The following PDE7B variants were observed in gnomAD, a reference collection of about 807,000 sequenced individuals.
PDE7B encodes the protein 3',5'-cyclic-AMP phosphodiesterase 7B.
A neutral mutation model predicts 56.2 loss-of-function variants in PDE7B; 29 were observed. The observed-to-expected ratio is 0.52, with a 90% CI of 0.38 to 0.70. PDE7B has a LOEUF of 0.70. PDE7B is among the 30% of genes least tolerant of loss of function. The pLI is 0.00. For missense variants in PDE7B, 490 were observed against 565.0 expected (o/e 0.87, Z 1.35); for synonymous variants, 197 against 196.9 (o/e 1.00, Z 0.00).
intron 5 of PDE7B, 106 bp downstream of exon 5, chr6:136,149,256 T>C: frequency 1.3e-6 from 1 of 761,046 alleles, no homozygotes; most frequent in Non-Finnish European, 2.3e-6. Flanking sequence ...TTTTCCTTCT[T>C]TCCCCATTTT....
intron 2 of PDE7B, among the ~76,000 whole-genome samples, chr6:135,959,928 C>T (rs1346028012): frequency 1.3e-5 from 2 of 152,082 alleles, no homozygotes; most frequent in Non-Finnish European, 1.5e-5. Flanking sequence ...TGTGCACCAC[C>T]ACCCCTGGCT....
chr6:136,123,499 T>A (rs1376675521), intron 3 of PDE7B, among the ~76,000 whole-genome samples: 1 of 152,204 alleles, frequency 6.6e-6, no homozygotes, highest in African/African-American at 2.4e-5. Context: ...GATTATAACA[T>A]CTCAGAAGGA....
chr6:135,997,492 C>CATT (rs1422723329), intron 2 of PDE7B, among the ~76,000 whole-genome samples: 3 of 123,722 alleles, frequency 2.4e-5, no homozygotes, highest in African/African-American at 9.0e-5. Context: ...AACTCATATG[C>CATT]ATTTATTCTT....
intron 2 of PDE7B, among the ~76,000 whole-genome samples, chr6:135,989,239 G>T (rs1162437758): frequency 6.6e-6 from 1 of 152,138 alleles, no homozygotes; most frequent in African/African-American, 2.4e-5. Context: ...AGATGATAAG[G>T]GCAGGACAGT....
chr6:136,012,097 A>G (rs981452234), intron 2 of PDE7B, among the ~76,000 whole-genome samples: 2 of 152,004 alleles, frequency 1.3e-5, no homozygotes, highest in Admixed American at 1.3e-4. Context: ...CCTGGCTCAA[A>G]CTATGCTGCT....
At chr6:135,916,261 G>C (rs936911621) in intron 1 of PDE7B, among the ~76,000 whole-genome samples, 1 of 151,924 alleles carries the variant, frequency 6.6e-6, no homozygotes, top group Non-Finnish European at 1.5e-5. Context: ...CATTCTAATG[G>C]GTGTGTGGTG....
In PDE7B at chr6:136,160,487, C is replaced by T. The variant is rs1186520379; in HGVS notation, c.711+4729C>T. ...TATCTCTGGCAAGTCACTAAGAAAC[C>T]CCAGTGTATGCAAGCCTGCTCGCCA... On this transcript the variant is annotated intron_variant, in intron 8 of 12. Coordinates refer to ENST00000308191, the MANE Select transcript of PDE7B (RefSeq NM_018945.4). Among the ~76,000 whole-genome samples the T allele has an allele frequency of 4.6e-5, 7 of 152,158 alleles. No homozygotes were observed. The South Asian group carries it at 1.0e-3, about 23-fold the overall frequency.
At chr6:136,053,254 T>G (rs1776666171) in intron 2 of PDE7B, among the ~76,000 whole-genome samples, 1 of 130,032 alleles carries the variant, frequency 7.7e-6, no homozygotes, top group East Asian at 2.4e-4. Context: ...TTCCCCTTCC[T>G]GTGTCCATGT....
At chr6:136,038,247 G>A in intron 2 of PDE7B, 2 of 1,299,888 alleles carry the variant, frequency 1.5e-6, no homozygotes. Flanking sequence ...AGCAGCAGCA[G>A]CACCACCACC....
intron 3 of PDE7B, among the ~76,000 whole-genome samples, chr6:136,111,809 G>A (rs1777753400): frequency 6.6e-6 from 1 of 152,150 alleles, no homozygotes; most frequent in Non-Finnish European, 1.5e-5. Flanking sequence ...AGTTTAAAGT[G>A]ATTCTTTAGA....
At chr6:136,120,477 T>C (rs1238169845) in intron 3 of PDE7B, among the ~76,000 whole-genome samples, 1 of 151,944 alleles carries the variant, frequency 6.6e-6, no homozygotes, top group East Asian at 1.9e-4. Flanking sequence ...TAACTGAGAA[T>C]AAAGTGTCCT....
rs151088644 is a variant in PDE7B at position 135,990,134 on chromosome 6, C to T, written c.82+42610C>T. On this transcript the variant is annotated intron_variant, in intron 2 of 12. Coordinates refer to ENST00000308191, the MANE Select transcript of PDE7B (RefSeq NM_018945.4). ...TTTTTGAGACAGAGTCTCGCTCTAT[C>T]GCCCAGGCTGGAGTGCAATGGCACC... is the stretch of plus-strand genomic sequence containing the variant. 1.8e-3 allele frequency among the ~76,000 whole-genome samples: 262 copies of T among 141,984 alleles called. 1 individual carries two copies. The East Asian group carries it at 0.03, about 16-fold the overall frequency. The allele number at this position is 141,984 out of a possible 152,430, so 93.1% of individuals were successfully genotyped here.
chr6:135,876,124 G>T (rs1453605682), intron 1 of PDE7B, among the ~76,000 whole-genome samples: 1 of 152,186 alleles, frequency 6.6e-6, no homozygotes, highest in East Asian at 1.9e-4. Context: ...GTAGGAAAAG[G>T]CTCAAGTAGC....
intron 3 of PDE7B, among the ~76,000 whole-genome samples, chr6:136,130,627 G>C (rs1345159371): frequency 1.3e-5 from 2 of 152,164 alleles, no homozygotes; most frequent in South Asian, 4.1e-4. Context: ...AGTAGTGAAG[G>C]GGATAAAGAG....
intron 3 of PDE7B, among the ~76,000 whole-genome samples, chr6:136,145,245 A>T (rs566998201): frequency 6.6e-6 from 1 of 152,246 alleles, no homozygotes; most frequent in Non-Finnish European, 1.5e-5. Context: ...ACTTCAGCCA[A>T]TGGTTTACAA....
chr6:136,149,806 T>A (rs1778481317), intron 5 of PDE7B, among the ~76,000 whole-genome samples: 3 of 152,240 alleles, frequency 2.0e-5, no homozygotes, highest in Admixed American at 2.0e-4. Context: ...TCACATTTAA[T>A]GCTGATGTTG....
intron 2 of PDE7B, among the ~76,000 whole-genome samples, chr6:135,972,275 G>T (rs913144622): frequency 1.3e-5 from 2 of 148,190 alleles, no homozygotes; most frequent in African/African-American, 2.5e-5. Flanking sequence ...AAAAAACAGG[G>T]ATGTGTCTGC....
chr6:135,936,209 A>C (rs1471126867), intron 1 of PDE7B, among the ~76,000 whole-genome samples: 1 of 152,266 alleles, frequency 6.6e-6, no homozygotes, highest in Non-Finnish European at 1.5e-5. Flanking sequence ...CACATTATAA[A>C]GTACTCGTTT....
Position 136,155,768 on chromosome 6 carries a change from C to T in PDE7B, c.711+10C>T, listed in dbSNP as rs1180498460. On this transcript the variant is annotated intron_variant, in intron 8 of 12. Transcript: ENST00000308191. ...TGCAAACCTATATCAGGTAAGGGAG[C>T]CCAACCTGGAGCCAGCCACAGTATG... 1.2e-6 allele frequency: 2 copies of T among 1,613,778 alleles called. No individual in the cohort carries two copies. Among genetic ancestry groups the T allele is most frequent in the Admixed American group, 1.7e-5 (1 of 59,986 alleles).
Sources: gnomAD v4.1 joint callset for allele counts (sites outside exome capture counted in the v4.1 genomes callset) on GRCh38, gnomAD v4.1.1 for gene constraint, MANE v1.5 for transcripts, NCBI Gene and HGNC (gene_info 2026-07-23, HGNC 2026-07-21) for gene names.